The following CEP350 variants were observed in gnomAD, a reference collection of about 807,000 sequenced individuals.
The protein encoded by CEP350 is centrosomal protein 350.
A neutral mutation model predicts 331.8 loss-of-function variants in CEP350; 126 were observed. The observed-to-expected ratio is 0.38, with a 90% CI of 0.33 to 0.44. The LOEUF is 0.44. Among genes scored for constraint, CEP350 ranks in the 20% least tolerant of loss-of-function variants. The probability of loss-of-function intolerance (pLI) is 1.00; values close to 1 mark genes in which losing one functional copy is unlikely to be tolerated. For synonymous variants in CEP350, 1,200 were observed against 1,259.5 expected, an observed-to-expected ratio of 0.95 and a Z score of 1.00; for missense variants, 3,406 against 3,634.6, an observed-to-expected ratio of 0.94 and a Z score of 1.62.
chr1:180,079,619 T>C (rs1035894460), intron 29 of CEP350, among the ~76,000 whole-genome samples: 3 of 151,984 alleles, frequency 2.0e-5, no homozygotes, highest in Non-Finnish European at 4.4e-5. Context: ...TATGATAATA[T>C]TAGACTTATA....
chr1:179,957,386 AT>A (rs1571765516), intron 1 of CEP350, among the ~76,000 whole-genome samples: 1 of 152,026 alleles, frequency 6.6e-6, no homozygotes, highest in South Asian at 2.1e-4. Flanking sequence ...ATTGCATAGT[AT>A]TTTTTTCTGT....
At chr1:180,052,384 G>C (rs1657566226) in intron 22 of CEP350, 1 of 348,134 alleles carries the variant, frequency 2.9e-6, no homozygotes, top group East Asian at 8.6e-5. Context: ...AAATAAATAA[G>C]AGCTCTTTGT....
chr1:180,093,955 T>C lies in CEP350; in HGVS notation c.7850T>C (p.Leu2617Pro). ...DVSEYFYEKS[L>P]PSVNDIEASV... ...AGTGAATATTTTTATGAGAAATCCC[T>C]ACCTAGTGTGAATGATATAGAAGCC... Residue 2617 changes from leucine (L) to proline (P), a missense_variant, in exon 34 of 38, where the codon CTA becomes CCA. By Grantham distance (98) the Leu-to-Pro change is moderately conservative (BLOSUM62 -3). Transcript: ENST00000367607. 2 of 1,613,848 alleles carry C rather than the reference T, an allele frequency of 1.2e-6. No individual in the cohort carries two copies. The highest frequency in any genetic ancestry group is 1.7e-6 in the Non-Finnish European group (2 of 1,179,816).
rs1003412861 is a variant in CEP350, at chr1:180,064,987, A to G, written c.5410-128A>G. 68 of 996,826 alleles carry G rather than the reference A, an allele frequency of 6.8e-5. 3 individuals carry two copies. The highest frequency in any genetic ancestry group is 5.1e-5 in the African/African-American group (3 of 59,252). The allele number at this position is 996,826 out of a possible 1,614,324, so 61.7% of individuals were successfully genotyped here. A position where few individuals can be genotyped will look rare whatever the true frequency, so the allele number is the denominator to read the frequency against. ...AAGTGTGTGATATATTTTGTCCTTT[A>G]TTATCTTATTTTCAACTATTGTTAT... On this transcript the variant is annotated intron_variant, in intron 26 of 37. Transcript: ENST00000367607.
intron 17 of CEP350, among the ~76,000 whole-genome samples, chr1:180,037,750 C>T (rs892993137): frequency 1.3e-4 from 20 of 152,064 alleles, no homozygotes; most frequent in African/African-American, 3.6e-4. Flanking sequence ...CCCAGGTTCA[C>T]GCCATTCTCC....
intron 4 of CEP350, 63 bp downstream of exon 4, chr1:179,990,684 A>T: frequency 4.5e-6 from 4 of 889,236 alleles, no homozygotes; most frequent in Non-Finnish European, 5.1e-6. Flanking sequence ...CAAAACAGAC[A>T]GCTAGATCTA....
At chr1:180,064,363 C>T (rs571103031) in intron 26 of CEP350, among the ~76,000 whole-genome samples, 2 of 152,194 alleles carry the variant, frequency 1.3e-5, no homozygotes, top group Non-Finnish European at 2.9e-5. Flanking sequence ...CTAAGATGCC[C>T]GCCTTGCTCT....
chr1:180,060,056 T>C (rs933305334), intron 25 of CEP350, among the ~76,000 whole-genome samples: 2 of 152,232 alleles, frequency 1.3e-5, no homozygotes, highest in Non-Finnish European at 2.9e-5. Flanking sequence ...AATTATTTTT[T>C]GTTTTGGAAA....
At chr1:179,974,581 G>A (rs996399812) in intron 1 of CEP350, among the ~76,000 whole-genome samples, 4 of 152,284 alleles carry the variant, frequency 2.6e-5, no homozygotes, top group South Asian at 4.1e-4. Context: ...ATTTGTTTAT[G>A]TGTGTCTCTC....
chr1:180,105,989 T>C (rs898594301), intron 37 of CEP350, among the ~76,000 whole-genome samples: 5 of 152,256 alleles, frequency 3.3e-5, no homozygotes, highest in Non-Finnish European at 7.3e-5. Flanking sequence ...CCTCTAGTTC[T>C]CATTCACTCC....
intron 20 of CEP350, among the ~76,000 whole-genome samples, chr1:180,043,780 G>A (rs1399879405): frequency 8.1e-6 from 1 of 123,948 alleles, no homozygotes; most frequent in Non-Finnish European, 2.0e-5. Context: ...ATTTGTGTGT[G>A]TGTGTGTGTG....
chr1:180,031,662 C>G (rs990763927), intron 15 of CEP350, among the ~76,000 whole-genome samples, 168 bp downstream of exon 15: 1 of 152,062 alleles, frequency 6.6e-6, no homozygotes, highest in Non-Finnish European at 1.5e-5. Context: ...GTTCACAGCT[C>G]TAATCTTTAT....
intron 3 of CEP350, among the ~76,000 whole-genome samples, chr1:179,989,482 CAA>C (rs59268913): frequency 1.1e-4 from 13 of 121,042 alleles, no homozygotes; most frequent in Middle Eastern, 4.0e-3. Flanking sequence ...GACCCTGTCT[CAA>C]AAAAAAAAAA....
In CEP350 at chr1:180,031,570, A is replaced by G. The variant is rs954427572; in HGVS notation, c.3725+76A>G. 3.6e-5 allele frequency: 26 copies of G among 712,636 alleles called. No homozygotes were observed. The African/African-American group carries it at 4.5e-4, about 12-fold the overall frequency. 44.1% of individuals were successfully genotyped at this position (712,636 alleles called of 1,614,324 possible). ...GATATTCAAAAAATCCATATAATGAATTTTAACTCAGCAGTCCCCTTAACT... is the reference window on the plus strand; with the variant it reads ...GATATTCAAAAAATCCATATAATGAGTTTTAACTCAGCAGTCCCCTTAACT... On this transcript the variant is annotated intron_variant, in intron 15 of 37. Transcript: ENST00000367607.
chr1:179,971,797 G>A (rs1402029595), intron 1 of CEP350, among the ~76,000 whole-genome samples: 1 of 152,068 alleles, frequency 6.6e-6, no homozygotes, highest in African/African-American at 2.4e-5. Flanking sequence ...ATGTCATGTG[G>A]CCTTTGGAAA....
intron 5 of CEP350, 36 bp from the exon 6 acceptor site, chr1:179,996,517 A>G: frequency 4.9e-6 from 7 of 1,415,282 alleles, no homozygotes; most frequent in Non-Finnish European, 6.7e-6. Context: ...ATATATTATT[A>G]ATCATAGTCA....
intron 1 of CEP350, among the ~76,000 whole-genome samples, chr1:179,961,321 A>G (rs112613363): frequency 0.14 from 21,348 of 152,026 alleles, 1,588 homozygotes; most frequent in African/African-American, 0.17. Context: ...GGTGGCGCGC[A>G]CCTGTAATCC....
chr1:179,957,031 GTTT>G (rs143582648), intron 1 of CEP350, among the ~76,000 whole-genome samples: 12,641 of 152,040 alleles, frequency 0.083, 688 homozygotes, highest in Non-Finnish European at 0.12. Flanking sequence ...TTTTTATAAC[GTTT>G]TGTTAATTAT....
At chr1:179,964,593 C>T (rs1650862865) in intron 1 of CEP350, among the ~76,000 whole-genome samples, 1 of 151,976 alleles carries the variant, frequency 6.6e-6, no homozygotes. Context: ...TCAGTTTCTT[C>T]CTTGTTCAAT....
Sources: gnomAD v4.1 joint callset for allele counts (sites outside exome capture counted in the v4.1 genomes callset) on GRCh38, gnomAD v4.1.1 for gene constraint, MANE v1.5 for transcripts, NCBI Gene and HGNC (gene_info 2026-07-23, HGNC 2026-07-21) for gene names.